Variants in ASB15 observed in about 807,000 individuals in gnomAD.
ASB15 encodes the protein ankyrin repeat and SOCS box protein 15.
Under a neutral mutation model 58.0 loss-of-function variants are expected in ASB15, and 54 were observed. The observed-to-expected ratio is 0.93, with a 90% CI of 0.75 to 1.17. The LOEUF (loss-of-function observed/expected upper bound fraction) is 1.17. ASB15 is among the 50% of genes most tolerant of loss of function. The pLI, the probability that ASB15 is intolerant of heterozygous loss-of-function variation, is 0.00. For synonymous variants in ASB15, 249 were observed against 262.4 expected, an observed-to-expected ratio of 0.95 and a Z score of 0.50; for missense variants, 680 against 707.4, an observed-to-expected ratio of 0.96 and a Z score of 0.44.
intron 11 of ASB15, among the ~76,000 whole-genome samples, chr7:123,636,173 A>AG (rs1802418247): frequency 6.6e-6 from 1 of 152,202 alleles, no homozygotes; most frequent in Admixed American, 6.6e-5. Context: ...CCAGGTCCAG[A>AG]GTGCACATCT....
intron 1 of ASB15, among the ~76,000 whole-genome samples, chr7:123,582,279 G>A (rs1283624576): frequency 6.6e-6 from 1 of 151,746 alleles, no homozygotes; most frequent in African/African-American, 2.4e-5. Context: ...AGATGGGGAG[G>A]GGGGGTTGCA....
At chr7:123,601,520 A>T (rs1246983656), upstream of ASB15, among the ~76,000 whole-genome samples, 2 of 152,170 alleles carry the variant, frequency 1.3e-5, no homozygotes, top group East Asian at 3.9e-4. Flanking sequence ...CAACACAAAG[A>T]CTTACAGATT....
chr7:123,584,064 G>A (rs1225542400), intron 1 of ASB15, among the ~76,000 whole-genome samples: 5 of 151,826 alleles, frequency 3.3e-5, no homozygotes, highest in Non-Finnish European at 5.9e-5. Context: ...CTGCTTTGGT[G>A]AGCTCTTCTA....
chr7:123,589,008 CTA>C (rs1288645297), intron 1 of ASB15, among the ~76,000 whole-genome samples: 2 of 151,722 alleles, frequency 1.3e-5, no homozygotes, highest in Non-Finnish European at 2.9e-5. Flanking sequence ...GGAGAATATT[CTA>C]TGTCCATTGA....
intron 1 of ASB15, among the ~76,000 whole-genome samples, chr7:123,583,638 C>T (rs746363516): frequency 2.6e-5 from 4 of 151,650 alleles, no homozygotes; most frequent in African/African-American, 9.7e-5. Context: ...ACAAAATGAG[C>T]GAAGAAAGAT....
chr7:123,617,474 T>C, intron 6 of ASB15, 105 bp from the exon 7 acceptor site: 2 of 1,021,618 alleles, frequency 2.0e-6, no homozygotes, highest in Non-Finnish European at 2.7e-6. Context: ...TTTCATCAAT[T>C]GACTTTGTTC....
At position 123,637,046 on chromosome 7, in the gene ASB15, T is replaced by A. The variant is rs1802466506; in HGVS notation, c.*65T>A. The A allele has an allele frequency of 8.7e-7, 1 of 1,151,110 alleles. No homozygotes were observed. Among genetic ancestry groups the A allele is most frequent in the African/African-American group, 1.6e-5 (1 of 63,772 alleles). 71.3% of individuals were successfully genotyped at this position (1,151,110 alleles called of 1,614,324 possible). A position where few individuals can be genotyped will look rare whatever the true frequency, so the allele number is the denominator to read the frequency against. On this transcript the variant is annotated 3_prime_UTR_variant, in exon 12 of 12. Transcript: ENST00000451215. ...TGTGATTCCCTCAGATAATTTCTTG[T>A]AACCATTTTACATCCTTAATTGTAA...
chr7:123,616,805 C>G (rs1322049862), intron 6 of ASB15, among the ~76,000 whole-genome samples: 1 of 123,606 alleles, frequency 8.1e-6, no homozygotes, highest in Non-Finnish European at 1.7e-5. Flanking sequence ...ATATATAACA[C>G]TTTTCTTTTG....
intron 9 of ASB15, among the ~76,000 whole-genome samples, chr7:123,627,855 A>G (rs939530029): frequency 6.6e-6 from 1 of 152,348 alleles, no homozygotes; most frequent in South Asian, 2.1e-4. Context: ...ACTACCCACC[A>G]TGAGAAGATG....
At chr7:123,600,825 T>G (rs1322546125), upstream of ASB15, among the ~76,000 whole-genome samples, 1 of 152,200 alleles carries the variant, frequency 6.6e-6, no homozygotes, top group Non-Finnish European at 1.5e-5. Flanking sequence ...CGTATTTATA[T>G]TCATTAACAC....
At chr7:123,570,441 T>C (rs1487364465) in intron 1 of ASB15, among the ~76,000 whole-genome samples, 1 of 151,876 alleles carries the variant, frequency 6.6e-6, no homozygotes, top group East Asian at 1.9e-4. Flanking sequence ...CAGGGACTGT[T>C]ACTGGTATAA....
At chr7:123,589,195 C>G (rs964757472) in intron 1 of ASB15, among the ~76,000 whole-genome samples, 11 of 151,560 alleles carry the variant, frequency 7.3e-5, no homozygotes, top group African/African-American at 2.4e-4. Context: ...CTTAATATTT[C>G]CTTACTATGT....
At chr7:123,634,514 G>C (rs940260568) in intron 11 of ASB15, among the ~76,000 whole-genome samples, 1 of 152,012 alleles carries the variant, frequency 6.6e-6, no homozygotes, top group African/African-American at 2.4e-5. Context: ...ATGAATATAC[G>C]TGTGCATGTA....
At chr7:123,598,597 C>A (rs1006254034), upstream of ASB15, among the ~76,000 whole-genome samples, 7 of 152,144 alleles carry the variant, frequency 4.6e-5, no homozygotes, top group Non-Finnish European at 8.8e-5. Flanking sequence ...GAAATAACTG[C>A]GAACCCATTT....
intron 11 of ASB15, among the ~76,000 whole-genome samples, chr7:123,632,576 ACT>A (rs1802179080): frequency 6.7e-6 from 1 of 150,238 alleles, no homozygotes; most frequent in Non-Finnish European, 1.5e-5. Flanking sequence ...CCCAATGTGT[ACT>A]CTTTTATCCC....
At chr7:123,597,325 A>G (rs1799726286), upstream of ASB15, among the ~76,000 whole-genome samples, 1 of 152,104 alleles carries the variant, frequency 6.6e-6, no homozygotes, top group African/African-American at 2.4e-5. Context: ...TGTTCAAGGA[A>G]CCTTTATTTT....
At chr7:123,572,080 G>A (rs1798921998) in intron 1 of ASB15, among the ~76,000 whole-genome samples, 1 of 149,118 alleles carries the variant, frequency 6.7e-6, no homozygotes, top group South Asian at 2.1e-4. Context: ...GAGCCAGTGT[G>A]CCAGACCAGT....
Position 123,616,500 on chromosome 7 carries a change from G to A in ASB15, c.292+5G>A. 6.2e-7 allele frequency: 1 copy of A among 1,611,230 alleles called. No individual in the cohort carries two copies. The highest frequency in any genetic ancestry group is 8.5e-7 in the Non-Finnish European group (1 of 1,178,600). ...TACTTGAGATTGTTCTGGATGGTAA[G>A]AGAACATAAAACATGTTTGACCAAG... On this transcript the variant is annotated splice_donor_5th_base_variant and intron_variant, in intron 6 of 11. Coordinates refer to ENST00000451215, the MANE Select transcript of ASB15 (RefSeq NM_001290258.2).
Position 123,636,817 on chromosome 7 carries a change from T to C in ASB15, c.1603T>C (p.Cys535Arg). The C allele has an allele frequency of 5.0e-6, 8 of 1,602,006 alleles. No homozygotes were observed. The highest frequency in any genetic ancestry group is 1.4e-5 in the African/African-American group (1 of 73,940). ...PEIRQILENP[C>R]SLKHLCRLKI... ...TTCCCGATTTCTTTTAGAGAATCCT[T>C]GTTCATTGAAGCATTTGTGTCGGTT... Residue 535 changes from cysteine (C) to arginine (R), a missense_variant, in exon 12 of 12, where the codon TGT (cysteine) becomes CGT (arginine). Physicochemically the swap from Cys to Arg is radical, Grantham distance 180 (BLOSUM62 -3). Transcript: ENST00000451215.
Sources: gnomAD v4.1 joint callset for allele counts (sites outside exome capture counted in the v4.1 genomes callset) on GRCh38, gnomAD v4.1.1 for gene constraint, MANE v1.5 for transcripts, NCBI Gene and HGNC (gene_info 2026-07-23, HGNC 2026-07-21) for gene names.